TTYH3: variants seen among roughly 807,000 people sequenced by gnomAD.
TTYH3 encodes the protein tweety family member 3.
TTYH3 carries 23 observed loss-of-function variants against 68.2 expected under a neutral mutation model. The observed-to-expected ratio is 0.34, with a 90% CI of 0.24 to 0.48. The LOEUF is 0.48. Among genes scored for constraint, TTYH3 ranks in the 20% least tolerant of loss-of-function variants. TTYH3 has a pLI of 0.99. For missense variants in TTYH3, 768 were observed against 727.7 expected (o/e 1.06, Z -0.64); for synonymous variants, 360 against 332.8 (o/e 1.08, Z -0.89).
In TTYH3 at chr7:2,646,899, A is replaced by C. The variant is rs1236927672; in HGVS notation, c.170A>C (p.Asp57Ala). The C allele has an allele frequency of 6.3e-7, 1 of 1,598,648 alleles. No individual in the cohort carries two copies. The highest frequency in any genetic ancestry group is 1.1e-5 in the South Asian group (1 of 90,798). ...GAAALACLAL[D>A]LLFLLFYSFW... ...GCCGCCCTGGCCTGCCTCGCCCTGG[A>C]CCTCCTCTTCCTGCTCTTCTACTCC... The change falls in exon 2 of 14, where the codon GAC becomes GCC. Residue 57 changes from aspartate (D) to alanine (A), a missense_variant. By Grantham distance (126) the Asp-to-Ala change is moderately radical. Coordinates refer to ENST00000258796, the MANE Select transcript of TTYH3 (RefSeq NM_025250.3).
intron 1 of TTYH3, among the ~76,000 whole-genome samples, chr7:2,640,179 G>A (rs936391534): frequency 1.3e-5 from 2 of 152,058 alleles, no homozygotes; most frequent in South Asian, 2.1e-4. Context: ...TGGTGGGATC[G>A]TGGCCACTGC....
Position 2,632,047 on chromosome 7 carries a change from A to G in TTYH3, c.-109A>G. 2 of 1,027,302 alleles carry G rather than the reference A, an allele frequency of 1.9e-6. No individual in the cohort carries two copies. The highest frequency in any genetic ancestry group is 2.4e-6 in the Non-Finnish European group (2 of 820,032). 63.6% of individuals were successfully genotyped at this position (1,027,302 alleles called of 1,614,324 possible). On this transcript the variant is annotated 5_prime_UTR_variant, in exon 1 of 14. It removes an upstream start codon present in the reference 5' UTR. Coordinates refer to ENST00000258796, the MANE Select transcript of TTYH3 (RefSeq NM_025250.3). The stretch of plus-strand genomic sequence containing the variant: ...CCGGGCCGGGCCCAGGAGCGCGCGG[A>G]TGATGCGGGCGGCCAGGCGGGGGTC...
At chr7:2,634,871 C>T (rs577570562) in intron 1 of TTYH3, among the ~76,000 whole-genome samples, 1 of 152,276 alleles carries the variant, frequency 6.6e-6, no homozygotes. Flanking sequence ...CGTCCGGCCC[C>T]CCGAGGAGCC....
chr7:2,638,949 G>A (rs1000039795), intron 1 of TTYH3, among the ~76,000 whole-genome samples: 1 of 152,058 alleles, frequency 6.6e-6, no homozygotes, highest in Non-Finnish European at 1.5e-5. Flanking sequence ...CGCACACGCC[G>A]AGCCCACCCT....
intron 13 of TTYH3, chr7:2,659,889 C>T: frequency 1.6e-6 from 2 of 1,280,254 alleles, no homozygotes; most frequent in African/African-American, 1.5e-5. Flanking sequence ...GTTGAGGCCA[C>T]ACTCTCTCTC....
chr7:2,654,477 A>G (rs960326155), intron 9 of TTYH3, among the ~76,000 whole-genome samples: 1 of 136,854 alleles, frequency 7.3e-6, no homozygotes, highest in Admixed American at 6.8e-5. Context: ...AATAAAAATT[A>G]TACACACACA....
At position 2,647,002 on chromosome 7, in the gene TTYH3, C is replaced by T. The variant is rs139351054; in HGVS notation, c.273C>T (p.Ile91=). 4.4e-6 allele frequency: 7 copies of T among 1,579,618 alleles called. No individual in the cohort carries two copies. In the Admixed American group the frequency reaches 1.2e-4, roughly 28 times the overall value. The change falls in exon 2 of 14, where the codon ATC becomes ATT. Residue 91 remains isoleucine (I), a synonymous_variant. Transcript: ENST00000258796. The stretch of plus-strand genomic sequence containing the variant: ...GCTGCTGCACGGCCTGGTGTGTCAT[C>T]ATCGCCACGCTGGTGTGCAGGTGAG... ...ADCCCTAWCV[I]IATLVCSAGI...
intron 1 of TTYH3, 32 bp downstream of exon 1, chr7:2,632,310 G>T: frequency 1.3e-6 from 2 of 1,529,986 alleles, no homozygotes. Context: ...CGCGGGGTCA[G>T]GGACCCCAGG....
chr7:2,649,586 C>T lies in TTYH3; in HGVS notation c.742C>T (p.Leu248=), dbSNP rs757152015. 6.3e-7 allele frequency: 1 copy of T among 1,594,128 alleles called. No individual in the cohort carries two copies. Among genetic ancestry groups the T allele is most frequent in the East Asian group, 2.2e-5 (1 of 44,500 alleles). The change falls in exon 6 of 14, where the codon CTG becomes TTG. Residue 248 remains leucine, a synonymous_variant. Transcript: ENST00000258796. The stretch of plus-strand genomic sequence containing the variant: ...CCCCAGGGTCTGCCTGCTGGGAGTC[C>T]TGGCCCTGGTCATCAGCTGGGGCGC... The part of the protein sequence containing the change: ...ILVGVCLLGV[L]ALVISWGALG...
rs368271682 is a variant in TTYH3, at chr7:2,661,744, C to T, written c.*5C>T. 179 of 1,608,972 alleles carry T rather than the reference C, an allele frequency of 1.1e-4. No individual in the cohort carries two copies. Among genetic ancestry groups the T allele is most frequent in the Non-Finnish European group, 1.4e-4 (167 of 1,178,854 alleles). On this transcript the variant is annotated 3_prime_UTR_variant, in exon 14 of 14. Transcript: ENST00000258796. ...GACTCCAGCGGCAGCCACTAGACCGCGCCCGGCAGCCACCCACCCCACGTG... is the reference window on the plus strand; with the variant it reads ...GACTCCAGCGGCAGCCACTAGACCGTGCCCGGCAGCCACCCACCCCACGTG...
At chr7:2,642,372 T>G (rs940113354) in intron 1 of TTYH3, among the ~76,000 whole-genome samples, 17 of 151,442 alleles carry the variant, frequency 1.1e-4, no homozygotes, top group Non-Finnish European at 2.1e-4. Flanking sequence ...GAACTCCCCG[T>G]CTCTACTAAA....
chr7:2,651,687 G>A (rs143666257), intron 7 of TTYH3, among the ~76,000 whole-genome samples: 86 of 152,382 alleles, frequency 5.6e-4, no homozygotes, highest in African/African-American at 1.1e-3. Flanking sequence ...CCACAGTGAT[G>A]CCTGGTGCTC....
At chr7:2,649,496 GC>G in intron 5 of TTYH3, 70 bp from the exon 6 acceptor site, 1 of 1,466,146 alleles carries the variant, frequency 6.8e-7, no homozygotes, top group Non-Finnish European at 9.2e-7. Flanking sequence ...CTGCCTTCTG[GC>G]CTGCAGCCCA....
At chr7:2,643,122 G>T (rs1281967842) in intron 1 of TTYH3, among the ~76,000 whole-genome samples, 1 of 151,456 alleles carries the variant, frequency 6.6e-6, no homozygotes, top group Non-Finnish European at 1.5e-5. Flanking sequence ...TTGGGAGGCC[G>T]AGGCGGGCAG....
chr7:2,647,646 C>G lies in TTYH3; in HGVS notation c.626+8C>G. 1 of 1,551,860 alleles carries G rather than the reference C, an allele frequency of 6.4e-7. No homozygotes were observed. The highest frequency in any genetic ancestry group is 1.7e-4 in the Middle Eastern group (1 of 5,984). ...TCTCTACGACTGGTACAGGTGCGGC[C>G]AGGCCCTCTTCCCTGCCCGCCCCAC... On this transcript the variant is annotated splice_region_variant and intron_variant, in intron 4 of 13. Coordinates refer to ENST00000258796, the MANE Select transcript of TTYH3 (RefSeq NM_025250.3).
intron 13 of TTYH3, among the ~76,000 whole-genome samples, chr7:2,661,235 G>T (rs1212474198): frequency 6.6e-6 from 1 of 152,212 alleles, no homozygotes; most frequent in Non-Finnish European, 1.5e-5. Flanking sequence ...GAGCCCGGAG[G>T]AGGCCTTGGC....
intron 1 of TTYH3, among the ~76,000 whole-genome samples, chr7:2,632,661 G>A (rs1423779117): frequency 6.6e-6 from 1 of 152,204 alleles, no homozygotes; most frequent in Non-Finnish European, 1.5e-5. Flanking sequence ...CACTGTTGGC[G>A]GCCTGGTGCT....
Position 2,645,805 on chromosome 7 carries a change from T to TC in TTYH3, c.124-1043dup. On this transcript the variant is annotated intron_variant, in intron 1 of 13. Transcript: ENST00000258796. The surrounding 1 kb of genome is among the most constrained non-coding windows in gnomAD (Gnocchi z 4.8). ...TCATGGTCAGCAAGAGGGGGTTCAG[T>TC]CCCCCACAGGCTCCCAATTTCCCTA... 1 of 470,646 alleles carries TC rather than the reference T, an allele frequency of 2.1e-6. No individual in the cohort carries two copies. The highest frequency in any genetic ancestry group is 4.4e-6 in the Non-Finnish European group (1 of 226,934). 29.2% of individuals were successfully genotyped at this position (470,646 alleles called of 1,614,324 possible).
At chr7:2,642,834 G>A (rs1485227855) in intron 1 of TTYH3, among the ~76,000 whole-genome samples, 1 of 150,594 alleles carries the variant, frequency 6.6e-6, no homozygotes, top group Non-Finnish European at 1.5e-5. Flanking sequence ...AAGCTAAGGC[G>A]GGCAGATCAC....
Sources: gnomAD v4.1 joint callset for allele counts (sites outside exome capture counted in the v4.1 genomes callset) on GRCh38, gnomAD v4.1.1 for gene constraint, Gnocchi (gnomAD v3.1) non-coding constraint, MANE v1.5 for transcripts, NCBI Gene and HGNC (gene_info 2026-07-23, HGNC 2026-07-21) for gene names.